The following GNAQ variants were observed in gnomAD, a reference collection of about 807,000 sequenced individuals.
GNAQ encodes G protein subunit alpha q.
GNAQ carries 8 observed loss-of-function variants against 43.9 expected under a neutral mutation model. The observed-to-expected ratio is 0.18, with a 90% CI of 0.11 to 0.33. The LOEUF (loss-of-function observed/expected upper bound fraction) is 0.33, where lower values mean the gene tolerates loss of function less well. Ranked by LOEUF, GNAQ falls within the 10% of genes least tolerant of loss-of-function variation. The probability of loss-of-function intolerance (pLI) is 1.00; values close to 1 mark genes in which losing one functional copy is unlikely to be tolerated. For synonymous variants in GNAQ, 155 were observed against 170.7 expected (o/e 0.91, Z 0.71); for missense variants, 158 against 450.8 (o/e 0.35, Z 5.88).
intron 2 of GNAQ, among the ~76,000 whole-genome samples, chr9:77,831,598 T>C (rs151137246): frequency 2.2e-4 from 33 of 152,344 alleles, no homozygotes; most frequent in African/African-American, 7.5e-4. Context: ...ACATACGCTT[T>C]CAATGTGACA....
At chr9:77,738,317 C>CA (rs1825603529) in intron 5 of GNAQ, among the ~76,000 whole-genome samples, 2 of 150,734 alleles carry the variant, frequency 1.3e-5, no homozygotes, top group African/African-American at 4.9e-5. Context: ...ACGCTACAAA[C>CA]CACACACACA....
chr9:77,938,077 T>G (rs1162974496), intron 1 of GNAQ, among the ~76,000 whole-genome samples: 1 of 152,060 alleles, frequency 6.6e-6, no homozygotes, highest in Non-Finnish European at 1.5e-5. Flanking sequence ...TATAAAATGG[T>G]ATAGCATCTG....
chr9:77,832,480 T>C (rs1007253410), intron 2 of GNAQ, among the ~76,000 whole-genome samples: 2 of 152,140 alleles, frequency 1.3e-5, no homozygotes, highest in Non-Finnish European at 2.9e-5. Context: ...TCAAAGTGTA[T>C]GGCAGCATAA....
intron 1 of GNAQ, among the ~76,000 whole-genome samples, chr9:78,022,603 C>T (rs1823924339): frequency 6.6e-6 from 1 of 152,122 alleles, no homozygotes; most frequent in Non-Finnish European, 1.5e-5. Context: ...TACCAATGCT[C>T]AAAAATATAT....
At chr9:77,784,641 A>C (rs1041579081) in intron 5 of GNAQ, among the ~76,000 whole-genome samples, 1 of 152,184 alleles carries the variant, frequency 6.6e-6, no homozygotes, top group African/African-American at 2.4e-5. Context: ...ATAAAAGACA[A>C]ATTTTAAAAG....
chr9:77,867,303 A>T (rs1827964853), intron 2 of GNAQ, among the ~76,000 whole-genome samples: 1 of 152,184 alleles, frequency 6.6e-6, no homozygotes, highest in Non-Finnish European at 1.5e-5. Flanking sequence ...TAAATGAAAA[A>T]TTATATAGAA....
At chr9:77,832,974 T>C (rs1186322672) in intron 2 of GNAQ, among the ~76,000 whole-genome samples, 1 of 152,156 alleles carries the variant, frequency 6.6e-6, no homozygotes, top group African/African-American at 2.4e-5. Context: ...ATTTTTATTT[T>C]ATTTTTTATT....
At chr9:77,763,125 T>TAAAAAAAAAAAAAAAAAAAAAA (rs1826078413) in intron 5 of GNAQ, among the ~76,000 whole-genome samples, 1 of 133,916 alleles carries the variant, frequency 7.5e-6, no homozygotes, top group Non-Finnish European at 1.6e-5. Context: ...AACAAAAAAA[T>TAAAAAAAAAAAAAAAAAAAAAA]AAACAAACAA....
chr9:77,955,469 G>T, intron 1 of GNAQ, among the ~76,000 whole-genome samples: 1 of 152,150 alleles, frequency 6.6e-6, no homozygotes, highest in East Asian at 1.9e-4. Flanking sequence ...GTGAAATCAT[G>T]AAAGAAAATA....
intron 5 of GNAQ, among the ~76,000 whole-genome samples, chr9:77,773,636 A>C (rs1425207233): frequency 6.6e-6 from 1 of 152,232 alleles, no homozygotes; most frequent in Non-Finnish European, 1.5e-5. Flanking sequence ...AATGTTCCAC[A>C]AAAGACACTA....
intron 1 of GNAQ, among the ~76,000 whole-genome samples, chr9:77,983,939 G>C (rs558548781): frequency 1.3e-4 from 19 of 148,494 alleles, no homozygotes; most frequent in Admixed American, 1.2e-3. Context: ...AGAACTGAGG[G>C]ATACAGAAAT....
chr9:77,895,733 T>C (rs1440342700), intron 2 of GNAQ, among the ~76,000 whole-genome samples: 3 of 152,152 alleles, frequency 2.0e-5, no homozygotes, highest in African/African-American at 7.2e-5. Flanking sequence ...TTCCCATGTG[T>C]TGCAGGAGGG....
chr9:77,750,854 T>C (rs556496559), intron 5 of GNAQ, among the ~76,000 whole-genome samples: 3 of 152,302 alleles, frequency 2.0e-5, no homozygotes, highest in East Asian at 3.9e-4. Context: ...AAACAACACC[T>C]TGCTGTGGCA....
intron 1 of GNAQ, among the ~76,000 whole-genome samples, chr9:77,926,510 G>C (rs533501501): frequency 1.3e-5 from 2 of 152,118 alleles, no homozygotes; most frequent in African/African-American, 4.8e-5. Flanking sequence ...AAATAACTCT[G>C]ACCAATCTAA....
At chr9:77,990,625 A>G (rs1823496246) in intron 1 of GNAQ, among the ~76,000 whole-genome samples, 1 of 152,224 alleles carries the variant, frequency 6.6e-6, no homozygotes. Flanking sequence ...ATGTGTGCAT[A>G]TTTGAATGCA....
chr9:77,838,195 G>A (rs955744199), intron 2 of GNAQ, among the ~76,000 whole-genome samples: 2 of 142,530 alleles, frequency 1.4e-5, no homozygotes, highest in African/African-American at 2.7e-5. Context: ...CCAAGCTGGA[G>A]TGCAATGGCG....
chr9:77,976,142 CTT>C, intron 1 of GNAQ, among the ~76,000 whole-genome samples: 1 of 152,312 alleles, frequency 6.6e-6, no homozygotes, highest in Non-Finnish European at 1.5e-5. Context: ...GTTGTTTTAA[CTT>C]TTTGTCTTCC....
At chr9:77,960,205 T>C (rs1823090359) in intron 1 of GNAQ, among the ~76,000 whole-genome samples, 1 of 152,212 alleles carries the variant, frequency 6.6e-6, no homozygotes, top group African/African-American at 2.4e-5. Flanking sequence ...TTGCATTTTT[T>C]CTGCTCTCTT....
intron 2 of GNAQ, among the ~76,000 whole-genome samples, chr9:77,869,700 C>G (rs1828005964): frequency 6.6e-6 from 1 of 152,096 alleles, no homozygotes; most frequent in African/African-American, 2.4e-5. Flanking sequence ...CACTTCCTAC[C>G]TACATAATTT....
Sources: allele counts gnomAD v4.1 joint callset (sites outside exome capture counted in the v4.1 genomes callset), GRCh38; gene constraint gnomAD v4.1.1; transcripts MANE v1.5; gene names NCBI Gene and HGNC (gene_info 2026-07-23, HGNC 2026-07-21).